Variants in PTPRR observed in about 807,000 individuals in gnomAD.
PTPRR encodes the protein protein tyrosine phosphatase receptor type R.
Under a neutral mutation model 77.2 loss-of-function variants are expected in PTPRR, and 38 were observed. The observed-to-expected ratio is 0.49, with a 90% CI of 0.38 to 0.65. The LOEUF (loss-of-function observed/expected upper bound fraction) is 0.65. PTPRR is among the 30% of genes least tolerant of loss of function. PTPRR has a pLI of 0.00. For synonymous variants in PTPRR, 299 were observed against 283.1 expected (o/e 1.06, Z -0.57); for missense variants, 744 against 799.2 (o/e 0.93, Z 0.83).
intron 13 of PTPRR, 83 bp downstream of exon 13, chr12:70,656,621 G>C: frequency 1.1e-6 from 1 of 931,100 alleles, no homozygotes; most frequent in Non-Finnish European, 1.7e-6. Flanking sequence ...TGGAGCCTGA[G>C]ATGTTTATGC....
intron 11 of PTPRR, among the ~76,000 whole-genome samples, chr12:70,662,176 T>C (rs540694892): frequency 5.3e-5 from 8 of 152,218 alleles, no homozygotes; most frequent in African/African-American, 1.9e-4. Context: ...AAAAAAATCA[T>C]GGTAAAGTCT....
chr12:70,641,694 T>A (rs1184651292), intron 13 of PTPRR, among the ~76,000 whole-genome samples: 1 of 152,204 alleles, frequency 6.6e-6, no homozygotes, highest in East Asian at 1.9e-4. Flanking sequence ...TTAGAGATCA[T>A]CCATTCTAGT....
intron 3 of PTPRR, among the ~76,000 whole-genome samples, chr12:70,762,545 T>C (rs1176989193): frequency 2.6e-5 from 4 of 152,170 alleles, no homozygotes; most frequent in African/African-American, 9.6e-5. Flanking sequence ...CAACAGACAA[T>C]AACTAAATAC....
chr12:70,650,810 C>A (rs1428965071), intron 13 of PTPRR, among the ~76,000 whole-genome samples: 1 of 152,134 alleles, frequency 6.6e-6, no homozygotes, highest in African/African-American at 2.4e-5. Flanking sequence ...ATAGCAAATA[C>A]CCCAATTACT....
At chr12:70,896,514 A>G (rs1367290485) in intron 1 of PTPRR, among the ~76,000 whole-genome samples, 1 of 151,744 alleles carries the variant, frequency 6.6e-6, no homozygotes, top group Non-Finnish European at 1.5e-5. Flanking sequence ...CTGAAATTAT[A>G]CAAGGTATAC....
intron 8 of PTPRR, among the ~76,000 whole-genome samples, chr12:70,698,011 T>C (rs1447533627): frequency 2.0e-5 from 3 of 152,144 alleles, no homozygotes; most frequent in Admixed American, 6.6e-5. Flanking sequence ...GTTGTAAGAA[T>C]TGGAAATGCT....
chr12:70,764,494 G>A (rs538783597), intron 3 of PTPRR, among the ~76,000 whole-genome samples, 171 bp downstream of exon 3: 7 of 152,268 alleles, frequency 4.6e-5, no homozygotes, highest in African/African-American at 1.7e-4. Flanking sequence ...AAGGCATCAT[G>A]GGCAATGGGT....
rs754975156 is a variant in PTPRR, at chr12:70,660,936, T to C, written c.1766+4A>G. 6.2e-6 allele frequency: 10 copies of C among 1,611,158 alleles called. No individual in the cohort carries two copies. Among genetic ancestry groups the C allele is most frequent in the Non-Finnish European group, 8.5e-6 (10 of 1,178,842 alleles). Reference sequence around the variant, plus strand: ...TTAGACAGAAAGGACCATACACGTCTTACCTGCAGTGGACAACCACAGGCC... The same window carrying C: ...TTAGACAGAAAGGACCATACACGTCCTACCTGCAGTGGACAACCACAGGCC... On this transcript the variant is annotated splice_donor_region_variant and intron_variant, in intron 12 of 13. Transcript: ENST00000283228.
chr12:70,806,843 C>T (rs1371717645), intron 2 of PTPRR, among the ~76,000 whole-genome samples: 1 of 152,128 alleles, frequency 6.6e-6, no homozygotes, highest in Non-Finnish European at 1.5e-5. Flanking sequence ...CAACTGATTT[C>T]TTTCTGTTTG....
At chr12:70,676,812 T>A (rs1308988522) in intron 10 of PTPRR, among the ~76,000 whole-genome samples, 2 of 151,890 alleles carry the variant, frequency 1.3e-5, no homozygotes, top group Non-Finnish European at 2.9e-5. Context: ...CTTTCGATAC[T>A]GTAACTTTGG....
In PTPRR at chr12:70,639,192, C is replaced by T; in HGVS notation, c.1966G>A (p.Val656Ile). The T allele has an allele frequency of 1.9e-6, 3 of 1,612,758 alleles. No homozygotes were observed. Among genetic ancestry groups the T allele is most frequent in the Non-Finnish European group, 1.7e-6 (2 of 1,179,602 alleles). The part of the protein sequence containing the change: ...LYESRLSAET[V>I]Q ...GACAAGTCTTCAATGACTCACTGGACAGTCTCTGCTGAAAGTCTGCTCTCA... is the reference window on the plus strand; with the variant it reads ...GACAAGTCTTCAATGACTCACTGGATAGTCTCTGCTGAAAGTCTGCTCTCA... Residue 656 changes from valine to isoleucine, a missense_variant, in exon 14 of 14, where the codon GTC becomes ATC. By Grantham distance (29) the Val-to-Ile change is conservative (BLOSUM62 3). Coordinates refer to ENST00000283228, the MANE Select transcript of PTPRR (RefSeq NM_002849.4).
intron 2 of PTPRR, among the ~76,000 whole-genome samples, chr12:70,868,953 A>AT (rs1413066679): frequency 2.1e-5 from 3 of 146,162 alleles, no homozygotes; most frequent in Non-Finnish European, 4.5e-5. Flanking sequence ...CAAACACCGC[A>AT]TGTTCTCACT....
At chr12:70,739,777 G>C (rs1471544948) in intron 6 of PTPRR, among the ~76,000 whole-genome samples, 1 of 152,156 alleles carries the variant, frequency 6.6e-6, no homozygotes, top group Non-Finnish European at 1.5e-5. Context: ...CCAGTGGTAG[G>C]GGGTAAGTTT....
chr12:70,643,660 A>G (rs1566038210), intron 13 of PTPRR, among the ~76,000 whole-genome samples: 1 of 152,226 alleles, frequency 6.6e-6, no homozygotes, highest in Non-Finnish European at 1.5e-5. Context: ...GGAAGCTCTT[A>G]GGTCAGATAG....
At chr12:70,689,248 C>T (rs943080123) in intron 8 of PTPRR, among the ~76,000 whole-genome samples, 4 of 152,008 alleles carry the variant, frequency 2.6e-5, no homozygotes, top group African/African-American at 9.7e-5. Flanking sequence ...ATGATATGAT[C>T]ATTCCACAAT....
At chr12:70,815,515 C>T (rs2458439) in intron 2 of PTPRR, among the ~76,000 whole-genome samples, 121,137 of 152,066 alleles carry the variant, frequency 0.8, 50,111 homozygotes, top group South Asian at 0.93. Flanking sequence ...ATATACCGAA[C>T]GGTTTTAAAA....
chr12:70,768,630 A>G (rs1216311214), intron 2 of PTPRR, among the ~76,000 whole-genome samples: 1 of 152,232 alleles, frequency 6.6e-6, no homozygotes, highest in Non-Finnish European at 1.5e-5. Context: ...ATCAATAGAA[A>G]AAGAGGGAAT....
chr12:70,904,516 C>G (rs1893590348), intron 1 of PTPRR, among the ~76,000 whole-genome samples: 1 of 151,774 alleles, frequency 6.6e-6, no homozygotes, highest in African/African-American at 2.4e-5. Flanking sequence ...TTATGAAATA[C>G]AGATCAGTGG....
intron 5 of PTPRR, among the ~76,000 whole-genome samples, chr12:70,750,037 GA>G (rs1265136869): frequency 6.6e-6 from 1 of 152,048 alleles, no homozygotes; most frequent in Non-Finnish European, 1.5e-5. Context: ...TTTTTTCTTG[GA>G]AAACTGTATT....
Sources: allele counts gnomAD v4.1 joint callset (sites outside exome capture counted in the v4.1 genomes callset), GRCh38; gene constraint gnomAD v4.1.1; transcripts MANE v1.5; gene names NCBI Gene and HGNC (gene_info 2026-07-23, HGNC 2026-07-21).